The following ROBO1 variants were observed in gnomAD, a reference collection of about 807,000 sequenced individuals.
ROBO1 encodes the protein roundabout guidance receptor 1.
ROBO1 carries 149 observed loss-of-function variants against 195.9 expected under a neutral mutation model. That is an observed-to-expected ratio of 0.76 (90% CI 0.67 to 0.87). The LOEUF is 0.87. Among genes scored for constraint, ROBO1 ranks in the 40% least tolerant of loss-of-function variants. The pLI is 0.00. For synonymous variants in ROBO1, 816 were observed against 733.2 expected, an observed-to-expected ratio of 1.11 and a Z score of -1.82; for missense variants, 1,933 against 2,068.3, an observed-to-expected ratio of 0.93 and a Z score of 1.27.
At chr3:79,356,224 C>T (rs1328249544) in intron 2 of ROBO1, among the ~76,000 whole-genome samples, 3 of 152,020 alleles carry the variant, frequency 2.0e-5, no homozygotes, top group Non-Finnish European at 4.4e-5. Flanking sequence ...ACCTGAAATC[C>T]CAGCTACTCA....
intron 1 of ROBO1, among the ~76,000 whole-genome samples, chr3:79,743,568 A>G (rs1279579680): frequency 6.6e-6 from 1 of 152,204 alleles, no homozygotes; most frequent in African/African-American, 2.4e-5. Context: ...CTTTACTAAT[A>G]AATTAACCTT....
rs1167114659 is a variant in ROBO1, at chr3:79,508,721, C to T, written c.88+81103G>A. On this transcript the variant is annotated intron_variant, in intron 2 of 30. Coordinates refer to ENST00000464233, the MANE Select transcript of ROBO1 (RefSeq NM_002941.4). ...TTTCTAATTATCTCTGAGAAAAAAT[C>T]AAAAATATAAATGAAGCAATTAGAG... Among the ~76,000 whole-genome samples the T allele has an allele frequency of 3.3e-5, 5 of 152,048 alleles. No homozygotes were observed. In the East Asian group the frequency reaches 9.6e-4, roughly 29 times the overall value.
At chr3:79,046,276 G>A (rs183767411) in intron 3 of ROBO1, among the ~76,000 whole-genome samples, 3 of 152,130 alleles carry the variant, frequency 2.0e-5, no homozygotes, top group African/African-American at 7.2e-5. Context: ...GAGACCCTGA[G>A]GCCAGCTAAT....
At chr3:79,239,622 T>G (rs957627544) in intron 2 of ROBO1, among the ~76,000 whole-genome samples, 4 of 152,196 alleles carry the variant, frequency 2.6e-5, no homozygotes, top group Non-Finnish European at 5.9e-5. Flanking sequence ...TAACCATCTA[T>G]CTGATGGGAG....
rs544874561 is a variant in ROBO1 at position 78,877,330 on chromosome 3, T to C, written c.499+61271A>G. Reference sequence around the variant, plus strand: ...TTCTGATGTAAAACTAACATTTCCATGTGAAAGAGAATGGAAGGACAATGG... The same window carrying C: ...TTCTGATGTAAAACTAACATTTCCACGTGAAAGAGAATGGAAGGACAATGG... On this transcript the variant is annotated intron_variant, in intron 4 of 30. Transcript: ENST00000464233. Among the ~76,000 whole-genome samples the C allele has an allele frequency of 3.3e-5, 5 of 152,052 alleles. No homozygotes were observed. The South Asian group carries it at 1.0e-3, about 32-fold the overall frequency.
intron 2 of ROBO1, among the ~76,000 whole-genome samples, chr3:79,182,066 T>C (rs1039027344): frequency 6.6e-6 from 1 of 152,080 alleles, no homozygotes; most frequent in Non-Finnish European, 1.5e-5. Context: ...TGCTAGGATA[T>C]ATTAATTTTT....
intron 2 of ROBO1, among the ~76,000 whole-genome samples, chr3:79,149,939 A>T (rs2080733629): frequency 6.6e-6 from 1 of 151,748 alleles, no homozygotes; most frequent in Non-Finnish European, 1.5e-5. Context: ...TCCCCTTGTC[A>T]GAAGCACAAG....
chr3:78,673,607 C>T (rs6147913), intron 10 of ROBO1, among the ~76,000 whole-genome samples: 738 of 25,104 alleles, frequency 0.029, 7 homozygotes, highest in South Asian at 0.06. Flanking sequence ...TATATATATA[C>T]ACACATATAT....
chr3:78,967,805 A>T (rs951937613), intron 3 of ROBO1, among the ~76,000 whole-genome samples: 10 of 152,228 alleles, frequency 6.6e-5, no homozygotes, highest in African/African-American at 2.4e-4. Context: ...ATAAGAAAAG[A>T]TGGATAACTA....
intron 1 of ROBO1, among the ~76,000 whole-genome samples, chr3:79,712,396 C>T (rs2107236203): frequency 6.6e-6 from 1 of 152,114 alleles, no homozygotes; most frequent in Middle Eastern, 3.4e-3. Flanking sequence ...TGAAACAAGC[C>T]ACAACATTCC....
At chr3:79,262,420 G>A (rs951750466) in intron 2 of ROBO1, among the ~76,000 whole-genome samples, 1 of 152,028 alleles carries the variant, frequency 6.6e-6, no homozygotes, top group Non-Finnish European at 1.5e-5. Context: ...ATCATTTAGA[G>A]ACTGAAATTG....
intron 2 of ROBO1, among the ~76,000 whole-genome samples, chr3:79,236,168 G>C (rs2082403896): frequency 6.6e-6 from 1 of 152,024 alleles, no homozygotes; most frequent in African/African-American, 2.4e-5. Flanking sequence ...TTCATACTTA[G>C]AAAATAAGCA....
intron 1 of ROBO1, among the ~76,000 whole-genome samples, chr3:79,656,206 C>T (rs913138368): frequency 2.7e-5 from 4 of 150,518 alleles, no homozygotes; most frequent in East Asian, 2.0e-4. Flanking sequence ...CTTAGGTCAA[C>T]GGTTTCTGTT....
chr3:79,358,174 G>GA (rs1290246696), intron 2 of ROBO1, among the ~76,000 whole-genome samples: 1 of 151,936 alleles, frequency 6.6e-6, no homozygotes, highest in African/African-American at 2.4e-5. Context: ...ATGAAATTGT[G>GA]AAAAAATACT....
At chr3:78,784,644 G>A (rs2083777576) in intron 4 of ROBO1, among the ~76,000 whole-genome samples, 1 of 151,958 alleles carries the variant, frequency 6.6e-6, no homozygotes, top group Admixed American at 6.6e-5. Flanking sequence ...AGTTCTTATG[G>A]TACATGGAAT....
In ROBO1 at chr3:78,634,005, T is replaced by C. The variant is rs568106352; in HGVS notation, c.3411A>G (p.Pro1137=). The C allele has an allele frequency of 1.3e-4, 217 of 1,612,168 alleles. 3 individuals carry two copies. In the South Asian group the frequency reaches 1.8e-3, roughly 13 times the overall value. The change falls in exon 24 of 31, where the codon CCA becomes CCG. Residue 1137 remains proline (P), a synonymous_variant. Coordinates refer to ENST00000464233, the MANE Select transcript of ROBO1 (RefSeq NM_002941.4). Reference sequence around the variant, plus strand: ...TGTTCTGGTCGTATGATTGGTTGTATGGGATAGTTGGAGGAACTGTGTCAT... The same window carrying C: ...TGTTCTGGTCGTATGATTGGTTGTACGGGATAGTTGGAGGAACTGTGTCAT... ...RANDTVPPTI[P]YNQSYDQNTG... is the part of the protein sequence containing the mutation.
chr3:79,136,283 T>C (rs1029106970), intron 2 of ROBO1, among the ~76,000 whole-genome samples: 1 of 152,168 alleles, frequency 6.6e-6, no homozygotes, highest in Non-Finnish European at 1.5e-5. Context: ...CTCAAAACAT[T>C]AGGGTTTCCA....
chr3:79,346,434 C>A (rs1302060298), intron 2 of ROBO1, among the ~76,000 whole-genome samples: 1 of 152,078 alleles, frequency 6.6e-6, no homozygotes, highest in Non-Finnish European at 1.5e-5. Flanking sequence ...TTATGTCTGT[C>A]TTAAACATAC....
intron 2 of ROBO1, among the ~76,000 whole-genome samples, chr3:79,355,620 GAAC>G (rs2035519770): frequency 6.6e-6 from 1 of 152,162 alleles, no homozygotes; most frequent in South Asian, 2.1e-4. Context: ...AATTCTATCA[GAAC>G]AACATTTAGA....
Sources: allele counts gnomAD v4.1 joint callset (sites outside exome capture counted in the v4.1 genomes callset), GRCh38; gene constraint gnomAD v4.1.1; transcripts MANE v1.5; gene names NCBI Gene and HGNC (gene_info 2026-07-23, HGNC 2026-07-21).